Variants in PMFBP1 observed in about 807,000 individuals in gnomAD.
The protein encoded by PMFBP1 is polyamine-modulated factor 1-binding protein 1.
A neutral mutation model predicts 137.8 loss-of-function variants in PMFBP1; 131 were observed. That is an observed-to-expected ratio of 0.95 (90% confidence interval 0.82 to 1.10). The LOEUF (loss-of-function observed/expected upper bound fraction) is 1.10. Among genes scored for constraint, PMFBP1 ranks in the 50% least tolerant of loss-of-function variants. The pLI is 0.00. For synonymous variants in PMFBP1, 490 were observed against 450.4 expected, an observed-to-expected ratio of 1.09 and a Z score of -1.11; for missense variants, 1,199 against 1,175.4, an observed-to-expected ratio of 1.02 and a Z score of -0.29.
At chr16:72,182,763 T>C in the PMFBP1 span, among the ~76,000 whole-genome samples, 1 of 152,348 alleles carries the variant, frequency 6.6e-6, no homozygotes, top group African/African-American at 2.4e-5. Flanking sequence ...ACCATGTTAA[T>C]GTTTCAACAT....
At chr16:72,147,320 T>C (rs1219707604) in intron 5 of PMFBP1, among the ~76,000 whole-genome samples, 2 of 152,218 alleles carry the variant, frequency 1.3e-5, no homozygotes, top group Non-Finnish European at 1.5e-5. Context: ...TGGCTAGCCA[T>C]ATGCAGAAAG....
chr16:72,210,419 C>T, the PMFBP1 span, among the ~76,000 whole-genome samples: 2 of 152,112 alleles, frequency 1.3e-5, no homozygotes, highest in African/African-American at 4.8e-5. Context: ...TGAATCCTTC[C>T]TGGAGGCTTA....
In PMFBP1 at chr16:72,130,339, C is replaced by A; in HGVS notation, c.1656G>T (p.Leu552=). 6.2e-7 allele frequency: 1 copy of A among 1,614,210 alleles called. No homozygotes were observed. The change falls in exon 12 of 21, where the codon CTG becomes CTT. Residue 552 remains leucine, a synonymous_variant. Transcript: ENST00000237353. ...QTSNRKRVEE[L]SLELSEALRK... ...TCAGGGCTTCAGAGAGTTCTAATGA[C>A]AGCTCCTCCACCCGTTTTCTAAAGC...
intron 12 of PMFBP1, 141 bp downstream of exon 12, chr16:72,130,072 C>T: frequency 9.5e-7 from 1 of 1,050,866 alleles, no homozygotes; most frequent in South Asian, 1.6e-5. Context: ...CTAGGCTGGT[C>T]TGGAACCCCT....
At chr16:72,150,467 C>T in intron 5 of PMFBP1, 141 bp downstream of exon 5, 1 of 777,238 alleles carries the variant, frequency 1.3e-6, no homozygotes, top group Non-Finnish European at 2.2e-6. Flanking sequence ...GGTTCAAAAG[C>T]TGAGGGCTAC....
At chr16:72,124,098 T>TC (rs903468597) in intron 17 of PMFBP1, among the ~76,000 whole-genome samples, 1 of 151,432 alleles carries the variant, frequency 6.6e-6, no homozygotes, top group African/African-American at 2.4e-5. Context: ...CAGCTTAACC[T>TC]CCCCCCCGGC....
At chr16:72,169,729 T>A (rs1232728619) in intron 2 of PMFBP1, among the ~76,000 whole-genome samples, 1 of 151,956 alleles carries the variant, frequency 6.6e-6, no homozygotes, top group Non-Finnish European at 1.5e-5. Flanking sequence ...ATCTGAGAGA[T>A]CCCCTTATCA....
intron 5 of PMFBP1, among the ~76,000 whole-genome samples, chr16:72,146,607 T>C (rs907575984): frequency 6.6e-6 from 1 of 152,216 alleles, no homozygotes; most frequent in Non-Finnish European, 1.5e-5. Flanking sequence ...GATGACATGA[T>C]GGTATATTTA....
At chr16:72,137,506 G>A (rs187951067) in intron 7 of PMFBP1, among the ~76,000 whole-genome samples, 97 of 152,312 alleles carry the variant, frequency 6.4e-4, no homozygotes, top group African/African-American at 2.0e-3. Context: ...GCCTCCCTGC[G>A]AAGGTGGCCT....
the PMFBP1 span, among the ~76,000 whole-genome samples, chr16:72,211,603 G>GA: frequency 6.6e-6 from 1 of 151,872 alleles, no homozygotes; most frequent in Non-Finnish European, 1.5e-5. Context: ...ACTTAAAAAA[G>GA]AAAAAAACCT....
the PMFBP1 span, among the ~76,000 whole-genome samples, chr16:72,230,728 T>G: frequency 1.3e-5 from 2 of 152,154 alleles, no homozygotes; most frequent in Non-Finnish European, 2.9e-5. Flanking sequence ...CACCTAGATA[T>G]CATTCACACC....
At chr16:72,203,336 T>G in the PMFBP1 span, among the ~76,000 whole-genome samples, 1 of 152,304 alleles carries the variant, frequency 6.6e-6, no homozygotes, top group East Asian at 1.9e-4. Flanking sequence ...CCACCACTGG[T>G]GGGTAAGAGG....
the PMFBP1 span, among the ~76,000 whole-genome samples, chr16:72,198,455 T>C: frequency 6.6e-6 from 1 of 152,172 alleles, no homozygotes; most frequent in Non-Finnish European, 1.5e-5. Context: ...ATTTTTTTAT[T>C]CTTATTTTTA....
At chr16:72,196,789 A>G in the PMFBP1 span, among the ~76,000 whole-genome samples, 5 of 152,184 alleles carry the variant, frequency 3.3e-5, no homozygotes, top group Admixed American at 3.3e-4. Flanking sequence ...TTCTGCACCA[A>G]TAATGTTTAG....
the PMFBP1 span, among the ~76,000 whole-genome samples, chr16:72,234,409 G>A: frequency 6.6e-6 from 1 of 152,094 alleles, no homozygotes; most frequent in Admixed American, 6.6e-5. Flanking sequence ...TAGTGTCCCC[G>A]AGTTGACCTA....
the PMFBP1 span, among the ~76,000 whole-genome samples, chr16:72,187,262 C>G: frequency 6.6e-6 from 1 of 152,168 alleles, no homozygotes; most frequent in African/African-American, 2.4e-5. Flanking sequence ...GGTCCAGTAT[C>G]TTCCATCCTT....
the PMFBP1 span, among the ~76,000 whole-genome samples, chr16:72,239,579 C>G: frequency 1.3e-5 from 2 of 152,060 alleles, no homozygotes; most frequent in Non-Finnish European, 2.9e-5. Flanking sequence ...TTTATCATTA[C>G]TATCATCTAG....
chr16:72,201,614 A>G, the PMFBP1 span, among the ~76,000 whole-genome samples: 3 of 152,106 alleles, frequency 2.0e-5, no homozygotes, highest in African/African-American at 7.2e-5. Flanking sequence ...GCCAATCACA[A>G]TCCTTTAACA....
At chr16:72,125,434 G>T (rs1235473620) in intron 15 of PMFBP1, 29 bp from the exon 16 acceptor site, 1 of 1,602,476 alleles carries the variant, frequency 6.2e-7, no homozygotes, top group Non-Finnish European at 8.5e-7. Context: ...AGGACGAATG[G>T]CTGTCAGAGA....
Sources: gnomAD v4.1 joint callset for allele counts (sites outside exome capture counted in the v4.1 genomes callset) on GRCh38, gnomAD v4.1.1 for gene constraint, MANE v1.5 for transcripts, NCBI Gene and HGNC (gene_info 2026-07-23, HGNC 2026-07-21) for gene names.